The following GRM1 variants were observed in gnomAD, a reference collection of about 807,000 sequenced individuals.
GRM1 encodes the protein glutamate metabotropic receptor 1.
In GRM1, 33 loss-of-function variants were observed where a neutral mutation model predicts 90.9. The observed-to-expected ratio is 0.36, with a 90% CI of 0.28 to 0.49. GRM1 has a LOEUF of 0.49. Ranked by LOEUF, GRM1 falls within the 20% of genes least tolerant of loss-of-function variation. The pLI, the probability that GRM1 is intolerant of heterozygous loss-of-function variation, is 0.99. For missense variants in GRM1, 1,190 were observed against 1,534.3 expected (o/e 0.78, Z 3.75); for synonymous variants, 700 against 613.2 (o/e 1.14, Z -2.09).
chr6:146,145,116 A>G (rs772486183), intron 1 of GRM1, among the ~76,000 whole-genome samples: 1 of 152,222 alleles, frequency 6.6e-6, no homozygotes, highest in Non-Finnish European at 1.5e-5. Flanking sequence ...AATTCAGGAA[A>G]AAAGGAATGA....
chr6:146,400,951 ATAG>A (rs1777136726), intron 7 of GRM1, among the ~76,000 whole-genome samples: 1 of 152,078 alleles, frequency 6.6e-6, no homozygotes, highest in South Asian at 2.1e-4. Flanking sequence ...CCCAAATGTG[ATAG>A]TAGAATTTTT....
At chr6:146,244,022 C>T (rs538901079) in intron 2 of GRM1, among the ~76,000 whole-genome samples, 4 of 152,246 alleles carry the variant, frequency 2.6e-5, no homozygotes, top group Non-Finnish European at 2.9e-5. Context: ...TCTCAGGCAG[C>T]CAGACCTAAT....
intron 2 of GRM1, among the ~76,000 whole-genome samples, chr6:146,257,510 A>ATG (rs1339916881): frequency 1.4e-5 from 2 of 141,874 alleles, no homozygotes; most frequent in African/African-American, 3.0e-5. Flanking sequence ...TCTGTGTAAT[A>ATG]TGTGTGTATA....
intron 2 of GRM1, among the ~76,000 whole-genome samples, chr6:146,302,544 T>TTTAG (rs1033413956): frequency 2.0e-5 from 3 of 150,678 alleles, no homozygotes; most frequent in African/African-American, 7.4e-5. Flanking sequence ...GATAATTTTA[T>TTTAG]TTATTTATTT....
chr6:146,075,317 A>T (rs2128860510), intron 1 of GRM1, among the ~76,000 whole-genome samples: 1 of 152,342 alleles, frequency 6.6e-6, no homozygotes, highest in South Asian at 2.1e-4. Flanking sequence ...TTAATTGATC[A>T]TCTACTATGT....
At chr6:146,227,874 A>T (rs1366128750) in intron 2 of GRM1, among the ~76,000 whole-genome samples, 2 of 152,186 alleles carry the variant, frequency 1.3e-5, no homozygotes, top group East Asian at 3.9e-4. Context: ...GAAGGTATTG[A>T]ACATTCATTC....
intron 1 of GRM1, among the ~76,000 whole-genome samples, chr6:146,140,634 T>C (rs1776840563): frequency 6.6e-6 from 1 of 152,206 alleles, no homozygotes; most frequent in South Asian, 2.1e-4. Flanking sequence ...ACCCATTATT[T>C]TAAACGGATG....
At chr6:146,408,051 G>T (rs1326987118) in intron 7 of GRM1, among the ~76,000 whole-genome samples, 3 of 152,186 alleles carry the variant, frequency 2.0e-5, no homozygotes, top group African/African-American at 7.2e-5. Context: ...TGGAGGCTGA[G>T]AAGTCCTAGA....
chr6:146,345,456 G>T (rs182715926), intron 3 of GRM1, among the ~76,000 whole-genome samples: 2 of 152,238 alleles, frequency 1.3e-5, no homozygotes, highest in Non-Finnish European at 2.9e-5. Flanking sequence ...TGTTACATTA[G>T]ACCCTAATAA....
intron 3 of GRM1, among the ~76,000 whole-genome samples, chr6:146,344,796 G>A (rs9376986): frequency 2.7e-5 from 4 of 150,336 alleles, no homozygotes; most frequent in Admixed American, 6.7e-5. Flanking sequence ...TATCTTTTTC[G>A]TTTTTCTTTT....
intron 1 of GRM1, among the ~76,000 whole-genome samples, chr6:146,052,110 A>AT (rs1434538826): frequency 1.3e-5 from 2 of 152,024 alleles, no homozygotes; most frequent in Admixed American, 6.6e-5. Context: ...ACAAAGTAGG[A>AT]TTTTTTTAAA....
intron 2 of GRM1, among the ~76,000 whole-genome samples, chr6:146,209,935 A>C (rs1583168230): frequency 6.6e-6 from 1 of 152,322 alleles, no homozygotes; most frequent in Non-Finnish European, 1.5e-5. Context: ...GTACTACAAT[A>C]AAATATTTTA....
chr6:146,434,642 C>T lies in GRM1; in HGVS notation c.3431C>T (p.Ala1144Val), dbSNP rs1312527333. ...AAACTGACCCCGGATGATTCGCCTGCGCTGACGCCTCCGTCGCCTTTCCGC... is the reference window on the plus strand; with the variant it reads ...AAACTGACCCCGGATGATTCGCCTGTGCTGACGCCTCCGTCGCCTTTCCGC... ...ASKLTPDDSP[A>V]LTPPSPFRDS... The change falls in exon 8 of 8, where the codon GCG (alanine) becomes GTG (valine). Residue 1144 changes from alanine to valine, a missense_variant. Ala to Val is a moderately conservative substitution (Grantham distance 64, BLOSUM62 0). Coordinates refer to ENST00000282753, the MANE Select transcript of GRM1 (RefSeq NM_001278064.2). 6.2e-7 allele frequency: 1 copy of T among 1,610,904 alleles called. No individual in the cohort carries two copies. The highest frequency in any genetic ancestry group is 1.1e-5 in the South Asian group (1 of 91,088).
chr6:146,125,369 G>A (rs1343557643), intron 1 of GRM1, among the ~76,000 whole-genome samples: 2 of 152,004 alleles, frequency 1.3e-5, no homozygotes, highest in Non-Finnish European at 2.9e-5. Flanking sequence ...AGCCCTTTGT[G>A]TGGGTATAGC....
At chr6:146,090,957 G>A (rs1163325060) in intron 1 of GRM1, among the ~76,000 whole-genome samples, 1 of 152,074 alleles carries the variant, frequency 6.6e-6, no homozygotes, top group Admixed American at 6.6e-5. Context: ...GCATACAGGA[G>A]TCCAAACAGA....
intron 2 of GRM1, among the ~76,000 whole-genome samples, chr6:146,275,364 C>T (rs1455845875): frequency 6.6e-6 from 1 of 151,994 alleles, no homozygotes; most frequent in Non-Finnish European, 1.5e-5. Flanking sequence ...GGTTGCTAGG[C>T]GTGTACATGG....
At chr6:146,417,341 C>T (rs1045049052) in intron 7 of GRM1, among the ~76,000 whole-genome samples, 16 of 152,154 alleles carry the variant, frequency 1.1e-4, no homozygotes, top group Admixed American at 2.6e-4. Flanking sequence ...CCCTGGGGTA[C>T]TACATATTAG....
chr6:146,135,156 G>A (rs762008457), intron 1 of GRM1, among the ~76,000 whole-genome samples: 7 of 152,100 alleles, frequency 4.6e-5, no homozygotes, highest in Non-Finnish European at 8.8e-5. Flanking sequence ...ACCCTAAGAG[G>A]TGGTTACTAT....
At chr6:146,120,077 G>A (rs1775922341) in intron 1 of GRM1, among the ~76,000 whole-genome samples, 1 of 152,156 alleles carries the variant, frequency 6.6e-6, no homozygotes, top group South Asian at 2.1e-4. Context: ...CCATGAGCAT[G>A]GAGTGTTCTT....
Sources: allele counts gnomAD v4.1 joint callset (sites outside exome capture counted in the v4.1 genomes callset), GRCh38; gene constraint gnomAD v4.1.1; transcripts MANE v1.5; gene names NCBI Gene and HGNC (gene_info 2026-07-23, HGNC 2026-07-21).